SCFD1: variants seen among roughly 807,000 people sequenced by gnomAD.
SCFD1 encodes the protein sec1 family domain-containing protein 1.
A neutral mutation model predicts 103.2 loss-of-function variants in SCFD1; 37 were observed. That is an observed-to-expected ratio of 0.36 (90% CI 0.28 to 0.47). The LOEUF (loss-of-function observed/expected upper bound fraction) is 0.47. Among genes scored for constraint, SCFD1 ranks in the 20% least tolerant of loss-of-function variants. The pLI is 1.00. For synonymous variants in SCFD1, 264 were observed against 245.0 expected (o/e 1.08, Z -0.73); for missense variants, 639 against 761.2 (o/e 0.84, Z 1.89).
rs140667453 is a variant in SCFD1 at position 30,662,938 on chromosome 14, G to A, written c.856-7318G>A. Among the ~76,000 whole-genome samples the A allele has an allele frequency of 2.6e-5, 4 of 152,280 alleles. No individual in the cohort carries two copies. In the East Asian group the frequency reaches 7.7e-4, roughly 29 times the overall value. ...AGTTAGGAAAATGTGACTGTCAATGGAAACAGATTAGACTCTATCATGTTA... is the reference window on the plus strand; with the variant it reads ...AGTTAGGAAAATGTGACTGTCAATGAAAACAGATTAGACTCTATCATGTTA... On this transcript the variant is annotated intron_variant, in intron 10 of 24. Coordinates refer to ENST00000458591, the MANE Select transcript of SCFD1 (RefSeq NM_016106.4).
chr14:30,706,452 T>C (rs1891476527), intron 18 of SCFD1, among the ~76,000 whole-genome samples: 1 of 152,244 alleles, frequency 6.6e-6, no homozygotes, highest in African/African-American at 2.4e-5. Context: ...ACAAATATTG[T>C]CTTCTCGATG....
chr14:30,692,397 G>C (rs1201737740), intron 14 of SCFD1, among the ~76,000 whole-genome samples: 1 of 152,126 alleles, frequency 6.6e-6, no homozygotes, highest in Non-Finnish European at 1.5e-5. Context: ...TTGATACACA[G>C]ATAAGGGAGT....
intron 14 of SCFD1, chr14:30,683,017 G>A: frequency 1.6e-6 from 2 of 1,231,994 alleles, no homozygotes; most frequent in Non-Finnish European, 2.3e-6. Flanking sequence ...TTAAAAAGAC[G>A]ACACAAGGAC....
At chr14:30,684,722 CTTA>C (rs1007024068) in intron 14 of SCFD1, among the ~76,000 whole-genome samples, 6 of 102,902 alleles carry the variant, frequency 5.8e-5, no homozygotes, top group Non-Finnish European at 9.7e-5. Context: ...CTTTTACTCA[CTTA>C]TTCTTTTTTT....
chr14:30,662,189 A>G (rs767116399), intron 10 of SCFD1, among the ~76,000 whole-genome samples: 1 of 152,202 alleles, frequency 6.6e-6, no homozygotes, highest in Non-Finnish European at 1.5e-5. Flanking sequence ...TGTCAACCCT[A>G]TTCCCCAAAC....
intron 23 of SCFD1, among the ~76,000 whole-genome samples, chr14:30,726,575 A>G (rs147725406): frequency 4.9e-4 from 74 of 152,330 alleles, no homozygotes; most frequent in Non-Finnish European, 9.4e-4. Context: ...CTGAGGCACC[A>G]TAAGTTTCCC....
At chr14:30,622,263 C>T, upstream of SCFD1, 2 of 1,574,028 alleles carry the variant, frequency 1.3e-6, no homozygotes, top group Non-Finnish European at 1.7e-6. Flanking sequence ...CCGGGCTTTG[C>T]TTCCGGGGCG....
chr14:30,714,293 G>T (rs563971062), intron 19 of SCFD1, among the ~76,000 whole-genome samples: 1 of 151,240 alleles, frequency 6.6e-6, no homozygotes, highest in African/African-American at 2.4e-5. Flanking sequence ...AGCGGAGCTT[G>T]CAGTGAGCCG....
chr14:30,702,177 T>C, intron 16 of SCFD1, 119 bp from the exon 17 acceptor site: 1 of 609,154 alleles, frequency 1.6e-6, no homozygotes, highest in South Asian at 2.6e-5. Context: ...CCACTCTACT[T>C]GGGTGCCAAG....
chr14:30,638,342 G>T, intron 5 of SCFD1, 95 bp downstream of exon 5: 1 of 1,542,558 alleles, frequency 6.5e-7, no homozygotes, highest in South Asian at 1.2e-5. Flanking sequence ...TTTGACAGAT[G>T]ACCAGAACAA....
intron 5 of SCFD1, among the ~76,000 whole-genome samples, chr14:30,638,856 A>G (rs1387042824): frequency 6.6e-6 from 1 of 152,192 alleles, no homozygotes; most frequent in Non-Finnish European, 1.5e-5. Context: ...TGGACAAGAT[A>G]TGCATTAAAG....
chr14:30,670,116 G>A (rs796466656), intron 10 of SCFD1, 140 bp from the exon 11 acceptor site: 3 of 657,664 alleles, frequency 4.6e-6, no homozygotes, highest in South Asian at 2.1e-5. Context: ...AATTACATTT[G>A]TATGTAACAA....
chr14:30,646,714 AT>A (rs1885865436), intron 7 of SCFD1, among the ~76,000 whole-genome samples: 2 of 152,060 alleles, frequency 1.3e-5, no homozygotes, highest in Non-Finnish European at 1.5e-5. Context: ...TTCTTTGTAT[AT>A]CTGTTAGAAT....
intron 20 of SCFD1, among the ~76,000 whole-genome samples, chr14:30,716,591 G>T (rs77634195): frequency 0.013 from 1,984 of 152,186 alleles, 21 homozygotes; most frequent in Non-Finnish European, 0.02. Flanking sequence ...GCAACCAAAA[G>T]GTGGTTATTA....
intron 6 of SCFD1, among the ~76,000 whole-genome samples, chr14:30,641,886 T>G (rs1239928363): frequency 1.3e-5 from 2 of 152,216 alleles, no homozygotes; most frequent in African/African-American, 4.8e-5. Context: ...TAAAAATACT[T>G]TGTAGATAAT....
chr14:30,696,535 C>T (rs898713940), intron 15 of SCFD1, among the ~76,000 whole-genome samples: 1 of 152,120 alleles, frequency 6.6e-6, no homozygotes, highest in African/African-American at 2.4e-5. Flanking sequence ...GGTGCCACTT[C>T]GGTCCAGAAT....
At chr14:30,732,742 G>T (rs1056724828) in intron 23 of SCFD1, among the ~76,000 whole-genome samples, 4 of 152,156 alleles carry the variant, frequency 2.6e-5, no homozygotes, top group African/African-American at 9.7e-5. Context: ...AGAAAATACT[G>T]CTGTAATTCT....
At chr14:30,657,186 C>A (rs1886989350) in intron 10 of SCFD1, among the ~76,000 whole-genome samples, 1 of 151,960 alleles carries the variant, frequency 6.6e-6, no homozygotes, top group East Asian at 1.9e-4. Flanking sequence ...AGTCCCTGGG[C>A]TCCCTCTTCA....
chr14:30,643,577 A>G (rs986307639), intron 7 of SCFD1, among the ~76,000 whole-genome samples, 172 bp downstream of exon 7: 1 of 152,142 alleles, frequency 6.6e-6, no homozygotes, highest in Non-Finnish European at 1.5e-5. Context: ...CAATAACTTG[A>G]TGTGGTTCTC....
Sources: allele counts gnomAD v4.1 joint callset (sites outside exome capture counted in the v4.1 genomes callset), GRCh38; gene constraint gnomAD v4.1.1; transcripts MANE v1.5; gene names NCBI Gene and HGNC (gene_info 2026-07-23, HGNC 2026-07-21).